TNK1: variants seen among roughly 807,000 people sequenced by gnomAD.
TNK1 encodes non-receptor tyrosine-protein kinase TNK1.
A neutral mutation model predicts 65.2 loss-of-function variants in TNK1; 53 were observed. That is an observed-to-expected ratio of 0.81 (90% confidence interval 0.65 to 1.02). The LOEUF (loss-of-function observed/expected upper bound fraction) is 1.02, where lower values mean the gene tolerates loss of function less well. TNK1 is among the 50% of genes least tolerant of loss of function. The pLI, the probability that TNK1 is intolerant of heterozygous loss-of-function variation, is 0.00. For missense variants in TNK1, 837 were observed against 878.4 expected, an observed-to-expected ratio of 0.95 and a Z score of 0.60; for synonymous variants, 353 against 364.6, an observed-to-expected ratio of 0.97 and a Z score of 0.36.
In TNK1 at chr17:7,383,726, G is replaced by A. The variant is rs372732265; in HGVS notation, c.444G>A (p.Lys148=). 1.2e-6 allele frequency: 2 copies of A among 1,612,090 alleles called. No homozygotes were observed. Among genetic ancestry groups the A allele is most frequent in the African/African-American group, 2.7e-5 (2 of 74,910 alleles). ...PSGKSVPVAV[K]SLRVGPEGPM... ...ACCTCCAGGTCCCAGTGGCTGTCAA[G>A]TCCCTCCGGGTAGGTCCCGAAGGCC... The change falls in exon 5 of 13, where the codon AAG becomes AAA. Residue 148 remains lysine (K), a synonymous_variant. Coordinates refer to ENST00000688331, the MANE Select transcript of TNK1 (RefSeq NM_003985.6).
chr17:7,387,381 C>A lies in TNK1; in HGVS notation c.1401C>A (p.Asp467Glu), dbSNP rs199666679. 1.2e-6 allele frequency: 2 copies of A among 1,604,272 alleles called. No homozygotes were observed. The highest frequency in any genetic ancestry group is 1.7e-5 in the Admixed American group (1 of 58,344). ...GDQHPGSIDG[D>E]RKKANLWDAP... Reference sequence around the variant, plus strand: ...GAACTGGATCCCTCTCCGACAGAGACAGAAAGAAGGCAAATCTTTGGGATG... The same window carrying A: ...GAACTGGATCCCTCTCCGACAGAGAAAGAAAGAAGGCAAATCTTTGGGATG... Residue 467 changes from aspartate to glutamate, a missense_variant, in exon 10 of 13, where the codon GAC becomes GAA. By Grantham distance (45) the Asp-to-Glu change is conservative. Transcript: ENST00000688331.
chr17:7,383,036 ACTT>A lies in TNK1; in HGVS notation c.112_114del (p.Phe38del). On this transcript the variant is annotated inframe_deletion, in exon 2 of 13. Transcript: ENST00000688331. ...GAGCTTAATGTCACTCGGCCAGAGC[ACTT>A]CGACTTTGTAAAGCCTGAGGACCTG... is the stretch of plus-strand genomic sequence containing the variant. 6.2e-7 allele frequency: 1 copy of A among 1,614,036 alleles called. No homozygotes were observed. Among genetic ancestry groups the A allele is most frequent in the South Asian group, 1.1e-5 (1 of 91,090 alleles).
Position 7,388,974 on chromosome 17 carries a change from G to GATC in TNK1, c.1878_1880dup (p.Asp626_Gln627insHis). 1 of 1,554,140 alleles carries GATC rather than the reference G, an allele frequency of 6.4e-7. No homozygotes were observed. The highest frequency in any genetic ancestry group is 8.7e-7 in the Non-Finnish European group (1 of 1,148,326). ...ACCCACCCTCCTGCTTCCACAGGTA[G>GATC]ATCAGCTCTTCCACCTGAGTAGCCG... On this transcript the variant is annotated inframe_insertion, in exon 13 of 13. Coordinates refer to ENST00000688331, the MANE Select transcript of TNK1 (RefSeq NM_003985.6). This position sits in a 1 kb window ranked among gnomAD's most constrained non-coding sequence, Gnocchi z 4.5.
chr17:7,389,326 T>C lies in TNK1; in HGVS notation c.*242T>C. 1 of 571,270 alleles carries C rather than the reference T, an allele frequency of 1.8e-6. No individual in the cohort carries two copies. Among genetic ancestry groups the C allele is most frequent in the Admixed American group, 3.1e-5 (1 of 32,780 alleles). The allele number at this position is 571,270 out of a possible 1,614,324, so 35.4% of individuals were successfully genotyped here. On this transcript the variant is annotated 3_prime_UTR_variant, in exon 13 of 13. Coordinates refer to ENST00000688331, the MANE Select transcript of TNK1 (RefSeq NM_003985.6). Reference sequence around the variant, plus strand: ...GCTCCTTTGGCTGGGCCAAGAAGGATCTAGTCTGCCCACTACATTCTCAAA... The same window carrying C: ...GCTCCTTTGGCTGGGCCAAGAAGGACCTAGTCTGCCCACTACATTCTCAAA...
Position 7,383,554 on chromosome 17 carries a change from C to T in TNK1, c.364C>T (p.Leu122=). The T allele has an allele frequency of 6.2e-7, 1 of 1,613,470 alleles. No homozygotes were observed. Among genetic ancestry groups the T allele is most frequent in the Non-Finnish European group, 8.5e-7 (1 of 1,179,678 alleles). Residue 122 remains leucine (L), a synonymous_variant, in exon 4 of 13, where the codon CTG becomes TTG. Coordinates refer to ENST00000688331, the MANE Select transcript of TNK1 (RefSeq NM_003985.6). ...GGGTGCTGTTTGCAGAGGGGAGCTG[C>T]TGGGTTCAGGCTGCTTCGGTGTGGT... ...PEGAVCRGEL[L]GSGCFGVVHR... is the part of the protein sequence containing the mutation.
chr17:7,383,098 C>A lies in TNK1; in HGVS notation c.163+9C>A. On this transcript the variant is annotated intron_variant, in intron 2 of 12. Transcript: ENST00000688331. ...TGGCATGGGCCGGCCTGGTGAGGGA[C>A]CCCTGCCCCGAGGCCCTGGTCTCTC... 1 of 1,613,780 alleles carries A rather than the reference C, an allele frequency of 6.2e-7. No homozygotes were observed. Among genetic ancestry groups the A allele is most frequent in the Admixed American group, 1.7e-5 (1 of 60,012 alleles).
At chr17:7,385,638 C>T (rs1376684931) in intron 7 of TNK1, among the ~76,000 whole-genome samples, 2 of 152,074 alleles carry the variant, frequency 1.3e-5, no homozygotes, top group South Asian at 2.1e-4. Flanking sequence ...GATCTTGGCT[C>T]ACTGCAACCT....
rs749493798 is a variant in TNK1 at position 7,383,635 on chromosome 17, C to G, written c.426+19C>G. On this transcript the variant is annotated intron_variant, in intron 4 of 12. Transcript: ENST00000688331. ...CAAGAGTGTGAGTGTCCAGGGAGCCCGCTTCATCCAGGCCAGCTGCCCCCT... is the reference window on the plus strand; with the variant it reads ...CAAGAGTGTGAGTGTCCAGGGAGCCGGCTTCATCCAGGCCAGCTGCCCCCT... 2 of 1,593,814 alleles carry G rather than the reference C, an allele frequency of 1.3e-6. No individual in the cohort carries two copies. Among genetic ancestry groups the G allele is most frequent in the Admixed American group, 1.7e-5 (1 of 58,530 alleles).
rs1476646234 is a variant in TNK1, at chr17:7,388,467, A to G, written c.1539A>G (p.Ser513=). ...SLGPRPTGGG[S]SPPEIRQARA... is the part of the protein sequence containing the mutation. ...GTCCTCGTCCCACAGGGGGTGGTTC[A>G]AGCCCCCCTGAAATTCGACAAGCCA... The change falls in exon 11 of 13, where the codon TCA becomes TCG. Residue 513 remains serine, a synonymous_variant. Coordinates refer to ENST00000688331, the MANE Select transcript of TNK1 (RefSeq NM_003985.6). The surrounding 1 kb of genome is among the most constrained non-coding windows in gnomAD (Gnocchi z 4.5). The G allele has an allele frequency of 2.5e-6, 4 of 1,613,754 alleles. No homozygotes were observed. The highest frequency in any genetic ancestry group is 4.5e-5 in the East Asian group (2 of 44,888).
Position 7,383,865 on chromosome 17 carries a change from G to T in TNK1, c.582+1G>T, listed in dbSNP as rs878913823. The T allele has an allele frequency of 6.2e-7, 1 of 1,607,232 alleles. No individual in the cohort carries two copies. The highest frequency in any genetic ancestry group is 1.1e-5 in the South Asian group (1 of 89,906). On this transcript the variant is annotated splice_donor_variant, in intron 5 of 12. Transcript: ENST00000688331. LOFTEE classifies it high-confidence loss of function. ...TGTACTGGGCCAGCCTCTGCAGATG[G>T]TGAGCAGATCCAGCCGCTGGTTCCC...
chr17:7,387,516 C>A (rs554288631), intron 10 of TNK1, 59 bp downstream of exon 10: 4 of 1,405,826 alleles, frequency 2.8e-6, no homozygotes, highest in South Asian at 2.5e-5. Flanking sequence ...TCAATTCCGA[C>A]CCCCTGCCCT....
intron 7 of TNK1, 64 bp from the exon 8 acceptor site, chr17:7,386,497 G>A: frequency 7.7e-7 from 1 of 1,298,296 alleles, no homozygotes; most frequent in Non-Finnish European, 1.1e-6. Flanking sequence ...CTTTATTCCT[G>A]CTCCCATATT....
In TNK1 at chr17:7,389,001, T is replaced by G; in HGVS notation, c.1903T>G (p.Ser635Ala). The change falls in exon 13 of 13, where the codon TCC (serine) becomes GCC (alanine). Residue 635 changes from serine (S) to alanine (A), a missense_variant. Transcript: ENST00000688331. ...VDQLFHLSSR[S>A]RADCWRILEH... ...TCAGCTCTTCCACCTGAGTAGCCGG[T>G]CCAGAGCTGACTGCTGGCGCATCCT... 1 of 1,554,572 alleles carries G rather than the reference T, an allele frequency of 6.4e-7. No homozygotes were observed. Among genetic ancestry groups the G allele is most frequent in the Non-Finnish European group, 8.7e-7 (1 of 1,148,568 alleles).
Position 7,383,460 on chromosome 17 carries a change from C to T in TNK1, c.270C>T (p.Pro90=), listed in dbSNP as rs1237034605. 6.2e-7 allele frequency: 1 copy of T among 1,613,910 alleles called. No individual in the cohort carries two copies. The highest frequency in any genetic ancestry group is 2.2e-5 in the East Asian group (1 of 44,884). ...GTTTTGCCCCTGAGCACAAGGAGCC[C>T]ACCCTGCCCTCGGACAGCCCACGGC... ...LGGFAPEHKE[P]TLPSDSPRHL... is the part of the protein sequence containing the mutation. Residue 90 remains proline, a synonymous_variant, in exon 4 of 13, where the codon CCC becomes CCT. Coordinates refer to ENST00000688331, the MANE Select transcript of TNK1 (RefSeq NM_003985.6).
rs1230890831 is a variant in TNK1, at chr17:7,384,504, G to A, written c.887G>A (p.Arg296His). The A allele has an allele frequency of 3.2e-6, 5 of 1,574,758 alleles. No individual in the cohort carries two copies. The highest frequency in any genetic ancestry group is 2.3e-5 in the East Asian group (1 of 43,868). ...PYAWCAPESL[R>H]HGAFSSASDV... Reference sequence around the variant, plus strand: ...GGCAGGTGTGCCCCAGAGAGCCTGCGCCACGGAGCCTTCTCGTCTGCCTCG... The same window carrying A: ...GGCAGGTGTGCCCCAGAGAGCCTGCACCACGGAGCCTTCTCGTCTGCCTCG... Residue 296 changes from arginine (R) to histidine (H), a missense_variant, in exon 7 of 13, where the codon CGC becomes CAC. Transcript: ENST00000688331.
chr17:7,385,964 G>A (rs1336830694), intron 7 of TNK1, among the ~76,000 whole-genome samples: 2 of 152,180 alleles, frequency 1.3e-5, no homozygotes, highest in Non-Finnish European at 2.9e-5. Flanking sequence ...GAGGAGTTGG[G>A]ATTTGAGCCA....
rs565938245 is a variant in TNK1 at position 7,384,048 on chromosome 17, C to T, written c.661C>T (p.Leu221=). Residue 221 remains leucine (L), a synonymous_variant, in exon 6 of 13, where the codon CTG becomes TTG. Transcript: ENST00000688331. ...CCCGACACCCCCGCTGCTCGTGGCC[C>T]TGCTCTGCCTCTTCCTGCGGCAGCT... is the stretch of plus-strand genomic sequence containing the variant. The part of the protein sequence containing the change: ...PAPTPPLLVA[L]LCLFLRQLAG... 226 of 1,530,924 alleles carry T rather than the reference C, an allele frequency of 1.5e-4. 5 individuals carry two copies. In the South Asian group the frequency reaches 2.6e-3, roughly 18 times the overall value. 94.8% of individuals were successfully genotyped at this position (1,530,924 alleles called of 1,614,324 possible).
At chr17:7,386,827 C>G in intron 8 of TNK1, 163 bp from the exon 9 acceptor site, 1 of 1,139,212 alleles carries the variant, frequency 8.8e-7, no homozygotes, top group Non-Finnish European at 1.2e-6. Context: ...CTGCTGGAGC[C>G]ACTGCTGGCC....
intron 7 of TNK1, 82 bp downstream of exon 7, chr17:7,384,836 A>C: frequency 6.8e-7 from 1 of 1,474,984 alleles, no homozygotes. Flanking sequence ...AGACTAACAC[A>C]TCTAGATGTC....
Sources: allele counts gnomAD v4.1 joint callset (sites outside exome capture counted in the v4.1 genomes callset), GRCh38; gene constraint gnomAD v4.1.1; non-coding constraint Gnocchi (gnomAD v3.1); transcripts MANE v1.5; gene names NCBI Gene and HGNC (gene_info 2026-07-23, HGNC 2026-07-21).